Variants in RIMS1 observed in about 807,000 individuals in gnomAD.
The protein encoded by RIMS1 is regulating synaptic membrane exocytosis protein 1.
Under a neutral mutation model 214.1 loss-of-function variants are expected in RIMS1, and 83 were observed. That is an observed-to-expected ratio of 0.39 (90% CI 0.32 to 0.47). The LOEUF (loss-of-function observed/expected upper bound fraction) is 0.47. Among genes scored for constraint, RIMS1 ranks in the 20% least tolerant of loss-of-function variants. The pLI is 0.99. For synonymous variants in RIMS1, 793 were observed against 786.8 expected, an observed-to-expected ratio of 1.01 and a Z score of -0.13; for missense variants, 2,050 against 2,161.8, an observed-to-expected ratio of 0.95 and a Z score of 1.03.
intron 2 of RIMS1, among the ~76,000 whole-genome samples, chr6:72,083,204 T>C (rs1259768530): frequency 6.6e-6 from 1 of 152,208 alleles, no homozygotes; most frequent in Non-Finnish European, 1.5e-5. Context: ...CTGTATATCA[T>C]TCATTCACCA....
chr6:72,323,465 A>G (rs1490636786), intron 28 of RIMS1, among the ~76,000 whole-genome samples: 1 of 151,958 alleles, frequency 6.6e-6, no homozygotes. Context: ...AAAAAAAGTA[A>G]TAGTGGGTTT....
chr6:72,196,603 T>TTTTTTTTTTTTTA (rs780611745), intron 6 of RIMS1, among the ~76,000 whole-genome samples: 4 of 132,206 alleles, frequency 3.0e-5, no homozygotes, highest in African/African-American at 5.6e-5. Context: ...TTTTTTTTTT[T>TTTTTTTTTTTTTA]ACCTATACAG....
intron 29 of RIMS1, among the ~76,000 whole-genome samples, chr6:72,371,425 TTTCTA>T (rs1564618510): frequency 6.6e-6 from 1 of 152,248 alleles, no homozygotes; most frequent in Non-Finnish European, 1.5e-5. Flanking sequence ...CCTGTTTTTC[TTTCTA>T]GTAGAGCACT....
chr6:71,994,846 A>T (rs1802898317), intron 2 of RIMS1, among the ~76,000 whole-genome samples: 1 of 152,222 alleles, frequency 6.6e-6, no homozygotes, highest in Non-Finnish European at 1.5e-5. Flanking sequence ...CTGAACCATG[A>T]TACTAAGTGC....
chr6:72,243,964 G>A (rs533495799), intron 10 of RIMS1, among the ~76,000 whole-genome samples: 1 of 149,582 alleles, frequency 6.7e-6, no homozygotes, highest in African/African-American at 2.4e-5. Context: ...AATAATTTTA[G>A]CTGCTTTTTT....
intron 1 of RIMS1, among the ~76,000 whole-genome samples, chr6:71,968,525 A>G (rs762018857): frequency 4.6e-5 from 7 of 152,194 alleles, no homozygotes; most frequent in Admixed American, 3.9e-4. Context: ...ATCTTTTTGC[A>G]TAAACAGAAA....
intron 2 of RIMS1, among the ~76,000 whole-genome samples, chr6:72,043,875 A>G (rs1477310206): frequency 6.6e-6 from 1 of 151,698 alleles, no homozygotes; most frequent in Non-Finnish European, 1.5e-5. Flanking sequence ...AATGAAACAC[A>G]TAAAAGAAAA....
intron 6 of RIMS1, among the ~76,000 whole-genome samples, chr6:72,210,854 T>C (rs1381127137): frequency 6.6e-6 from 1 of 152,186 alleles, no homozygotes. Flanking sequence ...GTGCTTAGTA[T>C]AGTTGATACT....
intron 2 of RIMS1, among the ~76,000 whole-genome samples, chr6:72,041,185 TTCTG>T (rs1254751101): frequency 2.6e-5 from 4 of 151,954 alleles, no homozygotes; most frequent in Non-Finnish European, 5.9e-5. Flanking sequence ...CTGAAGTTCT[TTCTG>T]TCTATCTGTC....
Position 72,080,174 on chromosome 6 carries a change from G to A in RIMS1, c.246-16775G>A, listed in dbSNP as rs998473200. ...AGCTACTTGGGAGGCTGAGGCAGGA[G>A]AATCGCTGGAACCCGGGAGGCAGAG... is the stretch of plus-strand genomic sequence containing the variant. On this transcript the variant is annotated intron_variant, in intron 2 of 33. Transcript: ENST00000521978. Among the ~76,000 whole-genome samples the A allele has an allele frequency of 6.1e-5, 9 of 148,170 alleles. No individual in the cohort carries two copies. In the East Asian group the frequency reaches 6.1e-4, roughly 10 times the overall value.
intron 4 of RIMS1, among the ~76,000 whole-genome samples, chr6:72,176,763 TAAATG>T (rs2047769832): frequency 6.6e-6 from 1 of 152,216 alleles, no homozygotes. Flanking sequence ...ATCACAGACT[TAAATG>T]AATACAAAGT....
At chr6:72,216,887 C>T (rs1384702811) in intron 6 of RIMS1, 2 of 1,084,094 alleles carry the variant, frequency 1.8e-6, no homozygotes. Context: ...CACTGGGAGC[C>T]ACTTTAGTAC....
At chr6:72,382,658 T>A (rs992058969) in intron 29 of RIMS1, among the ~76,000 whole-genome samples, 4 of 152,202 alleles carry the variant, frequency 2.6e-5, no homozygotes, top group Admixed American at 1.3e-4. Context: ...CTCCAGTGTT[T>A]ACTTCTCTGG....
intron 27 of RIMS1, among the ~76,000 whole-genome samples, chr6:72,307,930 T>A (rs1303024434): frequency 6.6e-6 from 1 of 152,160 alleles, no homozygotes; most frequent in Non-Finnish European, 1.5e-5. Flanking sequence ...AATCACTTAA[T>A]GATTGATTAG....
In RIMS1 at chr6:72,182,598, G is replaced by T. The variant is rs1337273935; in HGVS notation, c.1127G>T (p.Arg376Leu). 9 of 1,548,642 alleles carry T rather than the reference G, an allele frequency of 5.8e-6. No homozygotes were observed. The highest frequency in any genetic ancestry group is 7.8e-6 in the Non-Finnish European group (9 of 1,146,932). Reference protein sequence around the residue: ...VKPPPEEQQMRMHARVSRARH... With the variant: ...VKPPPEEQQMLMHARVSRARH... ...CCGCCGCCTGAGGAGCAGCAGATGC[G>T]CATGCACGCCCGGGTGTCCCGCGCC... is the stretch of plus-strand genomic sequence containing the variant. Residue 376 changes from arginine (R) to leucine (L), a missense_variant, in exon 6 of 34, where the codon CGC (arginine) becomes CTC (leucine). Physicochemically the swap from Arg to Leu is moderately radical, Grantham distance 102 (BLOSUM62 -2). Transcript: ENST00000521978.
At chr6:71,958,928 T>C (rs1045903967) in intron 1 of RIMS1, among the ~76,000 whole-genome samples, 1 of 152,152 alleles carries the variant, frequency 6.6e-6, no homozygotes, top group Non-Finnish European at 1.5e-5. Context: ...GAAAAAGTTA[T>C]TTACAAGATT....
At chr6:72,283,497 G>T (rs1175484261) in intron 23 of RIMS1, among the ~76,000 whole-genome samples, 1 of 151,628 alleles carries the variant, frequency 6.6e-6, no homozygotes, top group Non-Finnish European at 1.5e-5. Context: ...ATTTTAAAAT[G>T]ATTTTAATAC....
chr6:72,117,686 A>G (rs964947589), intron 4 of RIMS1, among the ~76,000 whole-genome samples: 1 of 152,024 alleles, frequency 6.6e-6, no homozygotes, highest in African/African-American at 2.4e-5. Context: ...TATTTAGGTT[A>G]ACAATGAAAT....
At chr6:72,067,861 T>C (rs1829685389) in intron 2 of RIMS1, among the ~76,000 whole-genome samples, 1 of 152,250 alleles carries the variant, frequency 6.6e-6, no homozygotes, top group African/African-American at 2.4e-5. Flanking sequence ...GTGAGTCAAG[T>C]ACTTTTAAAA....
Sources: allele counts gnomAD v4.1 joint callset (sites outside exome capture counted in the v4.1 genomes callset), GRCh38; gene constraint gnomAD v4.1.1; transcripts MANE v1.5; gene names NCBI Gene and HGNC (gene_info 2026-07-23, HGNC 2026-07-21).